Variants in GPC5 observed in about 807,000 individuals in gnomAD.
GPC5 encodes the protein glypican 5.
A neutral mutation model predicts 53.9 loss-of-function variants in GPC5; 47 were observed. That is an observed-to-expected ratio of 0.87 (90% CI 0.69 to 1.11). The LOEUF is 1.11. Among genes scored for constraint, GPC5 ranks in the 50% most tolerant of loss-of-function variants. The probability of loss-of-function intolerance (pLI) is 0.00; values close to 1 mark genes in which losing one functional copy is unlikely to be tolerated. For missense variants in GPC5, 748 were observed against 713.1 expected (o/e 1.05, Z -0.56); for synonymous variants, 286 against 263.3 (o/e 1.09, Z -0.84).
intron 1 of GPC5, among the ~76,000 whole-genome samples, chr13:91,431,375 A>G (rs1323115629): frequency 6.6e-6 from 1 of 152,138 alleles, no homozygotes; most frequent in Non-Finnish European, 1.5e-5. Context: ...TTTCTGTATA[A>G]TGTGTCGATC....
chr13:92,628,038 T>C (rs1231722516), intron 7 of GPC5, among the ~76,000 whole-genome samples: 1 of 152,068 alleles, frequency 6.6e-6, no homozygotes. Flanking sequence ...TTTTAAACCA[T>C]AAGCAGTATC....
intron 2 of GPC5, among the ~76,000 whole-genome samples, chr13:91,581,559 TC>T (rs1006346101): frequency 3.9e-5 from 6 of 152,144 alleles, no homozygotes; most frequent in Non-Finnish European, 8.8e-5. Flanking sequence ...CCATAACTAA[TC>T]CCTGAGAAGG....
intron 5 of GPC5, among the ~76,000 whole-genome samples, chr13:91,780,046 G>A (rs763217667): frequency 5.9e-5 from 9 of 152,124 alleles, no homozygotes; most frequent in Non-Finnish European, 1.2e-4. Context: ...AGCACAGTAG[G>A]TTTGTTTATA....
chr13:92,751,303 T>TAAAAAAAAAAAAAAAAAAAAAAA (rs71123435), intron 7 of GPC5, among the ~76,000 whole-genome samples: 2 of 38,776 alleles, frequency 5.2e-5, no homozygotes, highest in Non-Finnish European at 1.1e-4. Context: ...CAGAAACATT[T>TAAAAAAAAAAAAAAAAAAAAAAA]AAAAAAAAAA....
chr13:91,498,876 C>A (rs995190864), intron 2 of GPC5, among the ~76,000 whole-genome samples: 6 of 151,884 alleles, frequency 4.0e-5, no homozygotes, highest in African/African-American at 1.5e-4. Context: ...GAGGCTGAGG[C>A]AGGAGAATCA....
At chr13:92,363,713 A>C (rs2043586809) in intron 7 of GPC5, among the ~76,000 whole-genome samples, 1 of 151,902 alleles carries the variant, frequency 6.6e-6, no homozygotes, top group Admixed American at 6.5e-5. Flanking sequence ...AAGCCTTGAA[A>C]CATCACTTGA....
At chr13:91,745,917 G>A (rs1309182379) in intron 4 of GPC5, among the ~76,000 whole-genome samples, 2 of 152,108 alleles carry the variant, frequency 1.3e-5, no homozygotes, top group African/African-American at 2.4e-5. Context: ...TTACTTTCAA[G>A]CATTTGCAAT....
intron 6 of GPC5, among the ~76,000 whole-genome samples, chr13:91,981,026 C>T (rs1477374027): frequency 2.6e-5 from 4 of 152,118 alleles, no homozygotes; most frequent in Non-Finnish European, 4.4e-5. Context: ...GAATTCTTTG[C>T]AGTGTGGGTC....
intron 7 of GPC5, among the ~76,000 whole-genome samples, chr13:92,839,397 C>T (rs551702418): frequency 6.6e-6 from 1 of 152,236 alleles, no homozygotes; most frequent in East Asian, 1.9e-4. Context: ...TATCTCATCA[C>T]GCAGGTATTA....
intron 2 of GPC5, among the ~76,000 whole-genome samples, chr13:91,578,490 T>C (rs978776115): frequency 5.9e-5 from 9 of 152,166 alleles, no homozygotes; most frequent in African/African-American, 2.2e-4. Context: ...CCCAGGATGT[T>C]CTTGAAGAGA....
At chr13:91,981,184 A>G (rs2040354297) in intron 6 of GPC5, among the ~76,000 whole-genome samples, 1 of 152,210 alleles carries the variant, frequency 6.6e-6, no homozygotes, top group African/African-American at 2.4e-5. Flanking sequence ...AGTGATTACC[A>G]GCATTTTATG....
intron 7 of GPC5, among the ~76,000 whole-genome samples, chr13:92,230,289 C>T (rs2042520333): frequency 6.6e-6 from 1 of 152,112 alleles, no homozygotes; most frequent in Non-Finnish European, 1.5e-5. Context: ...AGTTGTATAT[C>T]TTCAGTGTTG....
At chr13:91,730,884 A>G (rs1299568749) in intron 4 of GPC5, among the ~76,000 whole-genome samples, 3 of 152,212 alleles carry the variant, frequency 2.0e-5, no homozygotes, top group Non-Finnish European at 4.4e-5. Flanking sequence ...ATATCCCAGT[A>G]ACATCCAGGC....
intron 7 of GPC5, among the ~76,000 whole-genome samples, chr13:92,306,917 ACTT>A (rs982255059): frequency 6.6e-6 from 1 of 152,232 alleles, no homozygotes; most frequent in Admixed American, 6.5e-5. Context: ...TAAAAATCCC[ACTT>A]CTTGTCTGTT....
chr13:92,287,619 G>C (rs1020764537), intron 7 of GPC5, among the ~76,000 whole-genome samples: 1 of 152,124 alleles, frequency 6.6e-6, no homozygotes, highest in Non-Finnish European at 1.5e-5. Context: ...AGCTTTCAGA[G>C]TTCCTGGTAA....
intron 7 of GPC5, among the ~76,000 whole-genome samples, chr13:92,424,499 C>A (rs977323900): frequency 6.6e-5 from 10 of 151,920 alleles, no homozygotes; most frequent in Non-Finnish European, 1.5e-4. Context: ...ATGCCTTTAT[C>A]TTTTTGGGTA....
At chr13:91,673,831 T>C (rs1285864181) in intron 2 of GPC5, among the ~76,000 whole-genome samples, 1 of 152,290 alleles carries the variant, frequency 6.6e-6, no homozygotes, top group East Asian at 1.9e-4. Flanking sequence ...TCTATGTATT[T>C]TCCTTCCCTC....
In GPC5 at chr13:91,809,537, T is replaced by C. The variant is rs539026420; in HGVS notation, c.1280+53117T>C. ...TGGTTGTGGCTCTGTTAGAGAAAAG[T>C]TATATATATAATCAACTGTCAGCTC... On this transcript the variant is annotated intron_variant, in intron 5 of 7. Transcript: ENST00000377067. Among the ~76,000 whole-genome samples, 7 of 152,228 alleles carry C rather than the reference T, an allele frequency of 4.6e-5. No individual in the cohort carries two copies. The South Asian group carries it at 1.5e-3, about 32-fold the overall frequency.
intron 7 of GPC5, among the ~76,000 whole-genome samples, chr13:92,502,614 C>T (rs1286700093): frequency 6.6e-6 from 1 of 151,954 alleles, no homozygotes; most frequent in African/African-American, 2.4e-5. Flanking sequence ...GGAACAAGAC[C>T]AGAGACGAAG....
Sources: gnomAD v4.1 joint callset for allele counts (sites outside exome capture counted in the v4.1 genomes callset) on GRCh38, gnomAD v4.1.1 for gene constraint, MANE v1.5 for transcripts, NCBI Gene and HGNC (gene_info 2026-07-23, HGNC 2026-07-21) for gene names.